DOCK6: variants seen among roughly 807,000 people sequenced by gnomAD.
DOCK6 encodes dedicator of cytokinesis protein 6.
DOCK6 carries 167 observed loss-of-function variants against 230.3 expected under a neutral mutation model. That is an observed-to-expected ratio of 0.73 (90% CI 0.64 to 0.82). DOCK6 has a LOEUF of 0.82. Among genes scored for constraint, DOCK6 ranks in the 40% least tolerant of loss-of-function variants. The pLI, the probability that DOCK6 is intolerant of heterozygous loss-of-function variation, is 0.00. For missense variants in DOCK6, 2,598 were observed against 2,825.8 expected (o/e 0.92, Z 1.83); for synonymous variants, 1,148 against 1,185.0 (o/e 0.97, Z 0.64).
intron 2 of DOCK6, 113 bp downstream of exon 2, chr19:11,253,526 C>T: frequency 1.5e-6 from 1 of 651,994 alleles, no homozygotes; most frequent in Non-Finnish European, 2.3e-6. Context: ...TCTCGGTTTC[C>T]CCCCAGGACA....
chr19:11,219,245 G>A (rs562842880), intron 28 of DOCK6, among the ~76,000 whole-genome samples: 8 of 134,426 alleles, frequency 6.0e-5, no homozygotes, highest in South Asian at 2.5e-4. Flanking sequence ...GTGCAGTGAC[G>A]CGATCTCGGC....
chr19:11,201,154 C>T lies in DOCK6; in HGVS notation c.5689-102G>A. On this transcript the variant is annotated intron_variant, in intron 44 of 47. Coordinates refer to ENST00000294618, the MANE Select transcript of DOCK6 (RefSeq NM_020812.4). The surrounding 1 kb of genome is among the most constrained non-coding windows in gnomAD (Gnocchi z 4.3). ...GACCCCGCTGGGAGTGAGAGGGGTC[C>T]AAGAACCCAGGCAATGAACAGAATC... 2.1e-6 allele frequency: 3 copies of T among 1,419,194 alleles called. No individual in the cohort carries two copies. Among genetic ancestry groups the T allele is most frequent in the Non-Finnish European group, 1.9e-6 (2 of 1,040,898 alleles). 87.9% of individuals were successfully genotyped at this position (1,419,194 alleles called of 1,614,324 possible).
chr19:11,211,676 T>C (rs951459322), intron 37 of DOCK6, 100 bp downstream of exon 37: 27 of 953,674 alleles, frequency 2.8e-5, no homozygotes, highest in Admixed American at 1.9e-4. Flanking sequence ...TATGCTCCCC[T>C]GCTCCCTCCT....
intron 28 of DOCK6, among the ~76,000 whole-genome samples, chr19:11,219,615 T>G (rs2079550286): frequency 6.6e-6 from 1 of 151,524 alleles, no homozygotes; most frequent in African/African-American, 2.4e-5. Flanking sequence ...CAGTGAAACC[T>G]GTCTCTCCTA....
At position 11,228,938 on chromosome 19, in the gene DOCK6, A is replaced by C. The variant is rs2079718037; in HGVS notation, c.2814+2T>G. 1 of 1,613,346 alleles carries C rather than the reference A, an allele frequency of 6.2e-7. No homozygotes were observed. The highest frequency in any genetic ancestry group is 2.2e-5 in the East Asian group (1 of 44,842). On this transcript the variant is annotated splice_donor_variant, in intron 23 of 47. Transcript: ENST00000294618. LOFTEE classifies it high-confidence loss of function. The stretch of plus-strand genomic sequence containing the variant: ...CACCAGGCAGGGAGGAGGGGGTCTC[A>C]CCATGAGCTGGAAGAAGAACCAGGC...
At position 11,200,834 on chromosome 19, in the gene DOCK6, G is replaced by A. The variant is rs1310669129; in HGVS notation, c.5833-12C>T. The A allele has an allele frequency of 6.2e-7, 1 of 1,612,872 alleles. No individual in the cohort carries two copies. Among genetic ancestry groups the A allele is most frequent in the Admixed American group, 1.7e-5 (1 of 60,006 alleles). ...ACCTCCAGGGGACCCTGTGGGGTGAGAGGGACTGGTGAGCCAGCCTGCATG... is the reference window on the plus strand; with the variant it reads ...ACCTCCAGGGGACCCTGTGGGGTGAAAGGGACTGGTGAGCCAGCCTGCATG... On this transcript the variant is annotated splice_polypyrimidine_tract_variant and intron_variant, in intron 45 of 47. Transcript: ENST00000294618. The surrounding 1 kb of genome is among the most constrained non-coding windows in gnomAD (Gnocchi z 4.3).
chr19:11,201,888 C>T lies in DOCK6; in HGVS notation c.5688+1G>A. On this transcript the variant is annotated splice_donor_variant, in intron 44 of 47. Transcript: ENST00000294618. LOFTEE classifies it high-confidence loss of function. The surrounding 1 kb of genome is among the most constrained non-coding windows in gnomAD (Gnocchi z 4.3). ...CCGCCAGGCCCAGGATCCCCACCCA[C>T]CTCCTCCCGGTGGCACACACGGATG... The T allele has an allele frequency of 1.3e-6, 2 of 1,555,934 alleles. No homozygotes were observed. The highest frequency in any genetic ancestry group is 1.2e-5 in the South Asian group (1 of 84,920).
chr19:11,260,930 A>G (rs2080277619), intron 1 of DOCK6, among the ~76,000 whole-genome samples: 1 of 151,776 alleles, frequency 6.6e-6, no homozygotes, highest in Non-Finnish European at 1.5e-5. Context: ...AAAAGGAAAG[A>G]AAAAGAAACA....
At chr19:11,207,508 A>C (rs138539674) in intron 39 of DOCK6, among the ~76,000 whole-genome samples, 97 of 151,620 alleles carry the variant, frequency 6.4e-4, no homozygotes, top group African/African-American at 2.2e-3. Context: ...TTTTTATTTT[A>C]GTATAGAAAG....
At chr19:11,221,812 C>G (rs770308296) in intron 28 of DOCK6, 39 bp downstream of exon 28, 37 of 1,613,188 alleles carry the variant, frequency 2.3e-5, no homozygotes, top group Non-Finnish European at 3.1e-5. Flanking sequence ...TGACCAAGTC[C>G]CTGGATCATG....
At chr19:11,249,643 C>A (rs2080086377) in intron 6 of DOCK6, among the ~76,000 whole-genome samples, 1 of 150,554 alleles carries the variant, frequency 6.6e-6, no homozygotes, top group Non-Finnish European at 1.5e-5. Flanking sequence ...AGCCTGTAAT[C>A]CCAGCACTTT....
rs903632324 is a variant in DOCK6, at chr19:11,245,564, T to G, written c.1022A>C (p.Lys341Thr). 1 of 1,555,426 alleles carries G rather than the reference T, an allele frequency of 6.4e-7. No individual in the cohort carries two copies. Among genetic ancestry groups the G allele is most frequent in the Non-Finnish European group, 8.7e-7 (1 of 1,149,348 alleles). Reference protein sequence around the residue: ...YPSPDIFLVIKLEKVLQQGDI... With the variant: ...YPSPDIFLVITLEKVLQQGDI... ...CCCTTGCCCAGCCCCAGCAGGCACC[T>G]TGATGACCAGGAAGATGTCAGGTGA... The change falls in exon 9 of 48, where the codon AAG becomes ACG. Residue 341 changes from lysine to threonine, a missense_variant and splice_region_variant. Coordinates refer to ENST00000294618, the MANE Select transcript of DOCK6 (RefSeq NM_020812.4).
rs1393413495 is a variant in DOCK6 at position 11,237,353 on chromosome 19, T to C, written c.2073+103A>G. On this transcript the variant is annotated intron_variant, in intron 18 of 47. Coordinates refer to ENST00000294618, the MANE Select transcript of DOCK6 (RefSeq NM_020812.4). ...TACACGGGGGCCCTGGAGGCACCAG[T>C]AGAGGATAACAAGCCTCCCAGGATT... is the stretch of plus-strand genomic sequence containing the variant. 3 of 1,306,114 alleles carry C rather than the reference T, an allele frequency of 2.3e-6. No homozygotes were observed. The African/African-American group carries it at 4.4e-5, about 19-fold the overall frequency. 80.9% of individuals were successfully genotyped at this position (1,306,114 alleles called of 1,614,324 possible).
intron 28 of DOCK6, among the ~76,000 whole-genome samples, chr19:11,220,108 C>A (rs956050992): frequency 6.6e-6 from 1 of 151,994 alleles, no homozygotes; most frequent in Non-Finnish European, 1.5e-5. Flanking sequence ...TGCCCACCAC[C>A]ACGTCGAGCT....
At chr19:11,253,189 C>T (rs1393553152) in intron 2 of DOCK6, among the ~76,000 whole-genome samples, 1 of 152,152 alleles carries the variant, frequency 6.6e-6, no homozygotes, top group Non-Finnish European at 1.5e-5. Context: ...AAGGAAATCA[C>T]ACCCCATGCC....
chr19:11,252,415 G>A (rs1484127078), intron 4 of DOCK6, 67 bp downstream of exon 4: 11 of 1,598,032 alleles, frequency 6.9e-6, no homozygotes, highest in South Asian at 2.2e-5. Context: ...CAGTAGGACC[G>A]GCTGCAGACA....
chr19:11,227,939 G>A (rs551441896), intron 23 of DOCK6, among the ~76,000 whole-genome samples: 75 of 152,044 alleles, frequency 4.9e-4, no homozygotes, highest in Non-Finnish European at 4.9e-4. Flanking sequence ...AGCAGGCCCT[G>A]GGAAGGAGGC....
At position 11,245,449 on chromosome 19, in the gene DOCK6, C is replaced by T; in HGVS notation, c.1023+114G>A. ...GGCCTCCTCCCTGCCTGTGTTTCCC[C>T]CACAACAGCCCTGATTACCCTTCTT... On this transcript the variant is annotated intron_variant, in intron 9 of 47. Transcript: ENST00000294618. 5 of 1,190,438 alleles carry T rather than the reference C, an allele frequency of 4.2e-6. 1 individual carries two copies. The highest frequency in any genetic ancestry group is 2.6e-5 in the South Asian group (2 of 75,574). 73.7% of individuals were successfully genotyped at this position (1,190,438 alleles called of 1,614,324 possible).
At chr19:11,254,065 TC>T (rs1269330254) in intron 1 of DOCK6, 4 of 237,330 alleles carry the variant, frequency 1.7e-5, no homozygotes, top group African/African-American at 9.1e-5. Flanking sequence ...CCTCTGTCCA[TC>T]CTGCTGTTCC....
Sources: allele counts gnomAD v4.1 joint callset (sites outside exome capture counted in the v4.1 genomes callset), GRCh38; gene constraint gnomAD v4.1.1; non-coding constraint Gnocchi (gnomAD v3.1); transcripts MANE v1.5; gene names NCBI Gene and HGNC (gene_info 2026-07-23, HGNC 2026-07-21).